The following ANKS1B variants were observed in gnomAD, a reference collection of about 807,000 sequenced individuals.
ANKS1B encodes the protein ankyrin repeat and sterile alpha motif domain-containing protein 1B.
In ANKS1B, 36 loss-of-function variants were observed where a neutral mutation model predicts 148.3. That is an observed-to-expected ratio of 0.24 (90% CI 0.19 to 0.32). ANKS1B has a LOEUF of 0.32. Among genes scored for constraint, ANKS1B ranks in the 10% least tolerant of loss-of-function variants. The probability of loss-of-function intolerance (pLI) is 1.00; values close to 1 mark genes in which losing one functional copy is unlikely to be tolerated. For missense variants in ANKS1B, 1,157 were observed against 1,542.6 expected (o/e 0.75, Z 4.19); for synonymous variants, 542 against 560.8 (o/e 0.97, Z 0.47).
At chr12:99,107,099 T>C (rs1282455375) in intron 15 of ANKS1B, among the ~76,000 whole-genome samples, 1 of 151,820 alleles carries the variant, frequency 6.6e-6, no homozygotes, top group Non-Finnish European at 1.5e-5. Flanking sequence ...AAACAATTAA[T>C]ATAGTGAAAA....
chr12:99,493,946 A>G (rs2096578645), intron 10 of ANKS1B, among the ~76,000 whole-genome samples: 2 of 152,162 alleles, frequency 1.3e-5, no homozygotes, highest in South Asian at 4.1e-4. Context: ...AGATGAGATA[A>G]TTTATAGAGA....
intron 14 of ANKS1B, among the ~76,000 whole-genome samples, chr12:99,183,970 T>C (rs2079466421): frequency 6.6e-6 from 1 of 152,198 alleles, no homozygotes; most frequent in African/African-American, 2.4e-5. Flanking sequence ...CAGTTTCATA[T>C]AAATCAAATA....
intron 9 of ANKS1B, among the ~76,000 whole-genome samples, chr12:99,610,892 G>A (rs895861784): frequency 4.6e-5 from 7 of 152,000 alleles, no homozygotes; most frequent in Non-Finnish European, 8.8e-5. Flanking sequence ...TTAACTAAAG[G>A]TCTGTTAACA....
chr12:99,523,251 T>A (rs1277776078), intron 9 of ANKS1B, among the ~76,000 whole-genome samples: 1 of 152,094 alleles, frequency 6.6e-6, no homozygotes. Flanking sequence ...TCTGTGAACA[T>A]AAGTGAGGAA....
intron 25 of ANKS1B, among the ~76,000 whole-genome samples, chr12:98,766,479 A>G (rs932907727): frequency 1.3e-5 from 2 of 152,212 alleles, no homozygotes; most frequent in African/African-American, 4.8e-5. Flanking sequence ...GTAACCAGGG[A>G]AAGTGTTCGA....
At chr12:99,494,178 T>C (rs989580941) in intron 10 of ANKS1B, among the ~76,000 whole-genome samples, 2 of 152,158 alleles carry the variant, frequency 1.3e-5, no homozygotes, top group African/African-American at 4.8e-5. Flanking sequence ...AGAAATGCCC[T>C]TTTTGATTTT....
At chr12:98,965,039 T>A (rs774868600) in intron 17 of ANKS1B, among the ~76,000 whole-genome samples, 2 of 152,094 alleles carry the variant, frequency 1.3e-5, no homozygotes, top group Non-Finnish European at 2.9e-5. Context: ...AATGCCTGTA[T>A]CATGCCTGTA....
At chr12:99,972,199 C>G (rs2095567603) in intron 1 of ANKS1B, among the ~76,000 whole-genome samples, 1 of 152,232 alleles carries the variant, frequency 6.6e-6, no homozygotes, top group Middle Eastern at 3.4e-3. Context: ...CTTCACTGAC[C>G]TATAAGTGTT....
At chr12:99,880,157 A>G (rs1292360498) in intron 1 of ANKS1B, among the ~76,000 whole-genome samples, 1 of 152,226 alleles carries the variant, frequency 6.6e-6, no homozygotes, top group Non-Finnish European at 1.5e-5. Flanking sequence ...TATACAAACT[A>G]CTATTATTAA....
intron 15 of ANKS1B, among the ~76,000 whole-genome samples, chr12:99,127,351 A>C (rs1283356062): frequency 6.6e-6 from 1 of 151,976 alleles, no homozygotes. Flanking sequence ...TTTTTTTTTA[A>C]AGCCTGACAG....
At chr12:99,364,451 C>T (rs914751693) in intron 12 of ANKS1B, among the ~76,000 whole-genome samples, 3 of 152,254 alleles carry the variant, frequency 2.0e-5, no homozygotes, top group Non-Finnish European at 2.9e-5. Context: ...TGTAGCAATG[C>T]TATTATTGTT....
At chr12:98,830,485 C>T (rs1236215842) in intron 18 of ANKS1B, among the ~76,000 whole-genome samples, 3 of 152,262 alleles carry the variant, frequency 2.0e-5, no homozygotes, top group African/African-American at 7.2e-5. Context: ...CCCTGAAATC[C>T]TTGCGCATTT....
intron 15 of ANKS1B, among the ~76,000 whole-genome samples, chr12:99,089,886 A>G (rs968111338): frequency 6.6e-6 from 1 of 152,196 alleles, no homozygotes; most frequent in Non-Finnish European, 1.5e-5. Context: ...AATAATCAAT[A>G]AATAAAGTTG....
At chr12:99,943,417 A>G (rs878983658) in intron 1 of ANKS1B, among the ~76,000 whole-genome samples, 1 of 152,134 alleles carries the variant, frequency 6.6e-6, no homozygotes, top group African/African-American at 2.4e-5. Flanking sequence ...AGCTGTCTGT[A>G]TTAGTCAGTT....
chr12:99,754,648 CT>C (rs1396550600), intron 8 of ANKS1B, among the ~76,000 whole-genome samples: 2 of 152,130 alleles, frequency 1.3e-5, no homozygotes, highest in Non-Finnish European at 2.9e-5. Flanking sequence ...AACAAACAGT[CT>C]CTCAGACCAC....
intron 19 of ANKS1B, among the ~76,000 whole-genome samples, chr12:98,826,533 C>A (rs1387334251): frequency 6.6e-6 from 1 of 151,954 alleles, no homozygotes; most frequent in Non-Finnish European, 1.5e-5. Flanking sequence ...TGGCCCAGGG[C>A]TAGAATTCCA....
intron 11 of ANKS1B, among the ~76,000 whole-genome samples, chr12:99,407,258 C>A (rs1037504020): frequency 1.4e-5 from 2 of 145,694 alleles, no homozygotes. Context: ...AACATACCAG[C>A]AAAATTAAGG....
intron 1 of ANKS1B, among the ~76,000 whole-genome samples, chr12:99,834,672 C>A (rs970935519): frequency 6.6e-6 from 1 of 152,106 alleles, no homozygotes; most frequent in Admixed American, 6.5e-5. Context: ...ATATGTACAG[C>A]AAATAAGATT....
intron 9 of ANKS1B, among the ~76,000 whole-genome samples, chr12:99,640,753 AT>A (rs2098295191): frequency 6.6e-6 from 1 of 152,206 alleles, no homozygotes; most frequent in Non-Finnish European, 1.5e-5. Flanking sequence ...AGGTAGATGG[AT>A]GGATGAATGG....
Sources: gnomAD v4.1 joint callset for allele counts (sites outside exome capture counted in the v4.1 genomes callset) on GRCh38, gnomAD v4.1.1 for gene constraint, MANE v1.5 for transcripts, NCBI Gene and HGNC (gene_info 2026-07-23, HGNC 2026-07-21) for gene names.